ITGA9: variants seen among roughly 807,000 people sequenced by gnomAD.
ITGA9 encodes the protein integrin alpha-9.
A neutral mutation model predicts 127.8 loss-of-function variants in ITGA9; 56 were observed. The observed-to-expected ratio is 0.44, with a 90% CI of 0.35 to 0.55. The LOEUF (loss-of-function observed/expected upper bound fraction) is 0.55, where lower values mean the gene tolerates loss of function less well. Ranked by LOEUF, ITGA9 falls within the 20% of genes least tolerant of loss-of-function variation. ITGA9 has a pLI of 0.00. For missense variants in ITGA9, 1,196 were observed against 1,347.1 expected (o/e 0.89, Z 1.76); for synonymous variants, 508 against 514.5 (o/e 0.99, Z 0.17).
intron 19 of ITGA9, 55 bp from the exon 20 acceptor site, chr3:37,736,849 A>G: frequency 1.8e-6 from 2 of 1,113,338 alleles, no homozygotes; most frequent in Non-Finnish European, 1.4e-6. Flanking sequence ...ATGGAAGAGA[A>G]CAGTTTAAGT....
intron 4 of ITGA9, among the ~76,000 whole-genome samples, chr3:37,485,944 A>G (rs992031771): frequency 6.6e-6 from 1 of 152,240 alleles, no homozygotes; most frequent in Admixed American, 6.5e-5. Context: ...TGTGTGAGAA[A>G]ACGAGAGCTT....
At chr3:37,519,495 A>T (rs1699023184) in intron 11 of ITGA9, 141 bp downstream of exon 11, 5 of 712,760 alleles carry the variant, frequency 7.0e-6, no homozygotes, top group Non-Finnish European at 1.3e-5. Flanking sequence ...TTTGTGAAAG[A>T]TACAATTAAT....
chr3:37,816,697 A>T (rs1697437044), intron 27 of ITGA9, among the ~76,000 whole-genome samples: 1 of 152,136 alleles, frequency 6.6e-6, no homozygotes, highest in Admixed American at 6.6e-5. Context: ...TCAGGAGAGA[A>T]AAGTATATGT....
Position 37,678,088 on chromosome 3 carries a change from G to T in ITGA9, c.1917-5777G>T, listed in dbSNP as rs138508876. On this transcript the variant is annotated intron_variant, in intron 17 of 27. Transcript: ENST00000264741. ...CACTTGTCTGTCCATGGACACTTTG[G>T]GTTGTGTCTACCCTTGGCTACTGTG... is the stretch of plus-strand genomic sequence containing the variant. 2.8e-4 allele frequency among the ~76,000 whole-genome samples: 42 copies of T among 152,278 alleles called. No homozygotes were observed. The East Asian group carries it at 7.1e-3, about 26-fold the overall frequency.
intron 20 of ITGA9, among the ~76,000 whole-genome samples, chr3:37,739,332 C>T (rs1696403809): frequency 6.6e-6 from 1 of 152,158 alleles, no homozygotes; most frequent in Non-Finnish European, 1.5e-5. Context: ...TTAAGATGAC[C>T]ATATTATCTT....
chr3:37,472,652 TC>T (rs754266830), intron 2 of ITGA9, among the ~76,000 whole-genome samples: 3 of 151,984 alleles, frequency 2.0e-5, no homozygotes, highest in Non-Finnish European at 4.4e-5. Context: ...CACCTCAGCC[TC>T]CCAAAGTGCT....
At chr3:37,457,642 T>A (rs149174653) in intron 1 of ITGA9, among the ~76,000 whole-genome samples, 29 of 152,302 alleles carry the variant, frequency 1.9e-4, no homozygotes, top group Non-Finnish European at 3.7e-4. Context: ...TGGTCCTCAC[T>A]CACCCTACAG....
At chr3:37,463,378 G>C (rs1200240479) in intron 1 of ITGA9, among the ~76,000 whole-genome samples, 1 of 152,152 alleles carries the variant, frequency 6.6e-6, no homozygotes, top group Non-Finnish European at 1.5e-5. Context: ...TTCTCTCCAG[G>C]ACTCACTCAT....
Position 37,490,689 on chromosome 3 carries a change from T to C in ITGA9, c.545-3812T>C, listed in dbSNP as rs115927731. On this transcript the variant is annotated intron_variant, in intron 4 of 27. Coordinates refer to ENST00000264741, the MANE Select transcript of ITGA9 (RefSeq NM_002207.3). ...ATTAATGTAGGCTCCATGCATTGAG[T>C]TGCGGATTGTGAACATTTGGAAACC... 2.5e-3 allele frequency among the ~76,000 whole-genome samples: 373 copies of C among 152,164 alleles called. 3 individuals carry two copies. The highest frequency in any genetic ancestry group is 8.4e-3 in the African/African-American group (349 of 41,478).
chr3:37,456,178 A>G (rs1460179791), intron 1 of ITGA9, among the ~76,000 whole-genome samples: 1 of 152,188 alleles, frequency 6.6e-6, no homozygotes, highest in African/African-American at 2.4e-5. Flanking sequence ...AACTGTCCCC[A>G]TGGCTAGATG....
chr3:37,708,618 C>CCCCACACAGCAAGGAAT (rs1701035343), intron 18 of ITGA9, among the ~76,000 whole-genome samples: 3 of 224 alleles, frequency 0.013, no homozygotes, highest in African/African-American at 0.031. Context: ...CTATTAGCAT[C>CCCCACACAGCAAGGAAT]TAGTGGGTAT....
At chr3:37,474,558 C>T (rs1698470738) in intron 3 of ITGA9, among the ~76,000 whole-genome samples, 1 of 152,192 alleles carries the variant, frequency 6.6e-6, no homozygotes, top group Non-Finnish European at 1.5e-5. Flanking sequence ...CACGCATGTA[C>T]ACTTATGCAT....
intron 18 of ITGA9, among the ~76,000 whole-genome samples, chr3:37,723,072 T>A (rs1047933642): frequency 6.6e-6 from 1 of 152,346 alleles, no homozygotes; most frequent in African/African-American, 2.4e-5. Context: ...AGGTTAATGA[T>A]GTTGAGCATC....
chr3:37,470,828 A>G (rs1698422632), intron 1 of ITGA9, among the ~76,000 whole-genome samples, 179 bp from the exon 2 acceptor site: 1 of 152,168 alleles, frequency 6.6e-6, no homozygotes, highest in South Asian at 2.1e-4. Context: ...TATGCCTGGG[A>G]AAGATCTAAC....
At chr3:37,621,222 T>C (rs1446283020) in intron 15 of ITGA9, among the ~76,000 whole-genome samples, 1 of 152,242 alleles carries the variant, frequency 6.6e-6, no homozygotes, top group Non-Finnish European at 1.5e-5. Flanking sequence ...CCTTCCACCA[T>C]GGTTGTGAGG....
chr3:37,595,112 T>TG (rs1699856889), intron 15 of ITGA9, among the ~76,000 whole-genome samples: 2 of 152,066 alleles, frequency 1.3e-5, no homozygotes, highest in African/African-American at 2.4e-5. Flanking sequence ...TTTTTGTTTT[T>TG]TTTTGACTTT....
intron 15 of ITGA9, among the ~76,000 whole-genome samples, chr3:37,568,283 C>T (rs904029335): frequency 1.3e-5 from 2 of 152,228 alleles, no homozygotes; most frequent in African/African-American, 4.8e-5. Flanking sequence ...CACCAAGTCC[C>T]TAGGCTGCAC....
chr3:37,641,371 C>T (rs941221506), intron 16 of ITGA9, among the ~76,000 whole-genome samples: 3 of 152,148 alleles, frequency 2.0e-5, no homozygotes, highest in African/African-American at 7.2e-5. Flanking sequence ...TTGGAGAACA[C>T]TGGTCTAAGG....
chr3:37,672,004 G>A lies in ITGA9; in HGVS notation c.1917-11861G>A, dbSNP rs745850873. ...AAAGCAGAACTTAATTAATGTTGCT[G>A]TTTGGATTTTTTTCAAGTGTATTTG... On this transcript the variant is annotated intron_variant, in intron 17 of 27. Coordinates refer to ENST00000264741, the MANE Select transcript of ITGA9 (RefSeq NM_002207.3). 2.6e-5 allele frequency among the ~76,000 whole-genome samples: 4 copies of A among 152,290 alleles called. No individual in the cohort carries two copies. In the East Asian group the frequency reaches 7.7e-4, roughly 29 times the overall value.
Sources: allele counts gnomAD v4.1 joint callset (sites outside exome capture counted in the v4.1 genomes callset), GRCh38; gene constraint gnomAD v4.1.1; transcripts MANE v1.5; gene names NCBI Gene and HGNC (gene_info 2026-07-23, HGNC 2026-07-21).